TMEM268: variants seen among roughly 807,000 people sequenced by gnomAD.
TMEM268 encodes transmembrane protein C9orf91.
In TMEM268, 24 loss-of-function variants were observed where a neutral mutation model predicts 39.1. The ratio of observed to expected loss-of-function variants is 0.61; its 90% CI spans 0.44 to 0.86. TMEM268 has a LOEUF of 0.86. Ranked by LOEUF, TMEM268 falls within the 40% of genes least tolerant of loss-of-function variation. TMEM268 has a pLI of 0.00. For synonymous variants in TMEM268, 176 were observed against 173.5 expected, an observed-to-expected ratio of 1.01 and a Z score of -0.12; for missense variants, 409 against 428.6, an observed-to-expected ratio of 0.95 and a Z score of 0.40.
intron 7 of TMEM268, among the ~76,000 whole-genome samples, chr9:114,637,984 G>C (rs1269095919): frequency 1.3e-5 from 2 of 152,198 alleles, no homozygotes; most frequent in Admixed American, 1.3e-4. Context: ...TGCAACATAT[G>C]GATAAAGATA....
chr9:114,617,010 G>T, intron 1 of TMEM268, 108 bp from the exon 2 acceptor site: 1 of 492,098 alleles, frequency 2.0e-6, no homozygotes, highest in South Asian at 3.7e-5. Context: ...AAAAGAGTCC[G>T]GGTAACTCTC....
At chr9:114,636,925 G>C (rs899469897) in intron 6 of TMEM268, 65 bp from the exon 7 acceptor site, 1 of 1,021,598 alleles carries the variant, frequency 9.8e-7, no homozygotes, top group South Asian at 1.3e-5. Flanking sequence ...GACTGTCTCA[G>C]GGAGGAAGAG....
At chr9:114,631,757 T>C (rs1004942726) in intron 5 of TMEM268, among the ~76,000 whole-genome samples, 1 of 152,188 alleles carries the variant, frequency 6.6e-6, no homozygotes, top group Non-Finnish European at 1.5e-5. Context: ...TCAATTTTCA[T>C]AGTAGAGGCA....
chr9:114,633,804 A>G lies in TMEM268; in HGVS notation c.511A>G (p.Asn171Asp). 1 of 1,604,750 alleles carries G rather than the reference A, an allele frequency of 6.2e-7. No individual in the cohort carries two copies. Among genetic ancestry groups the G allele is most frequent in the Non-Finnish European group, 8.5e-7 (1 of 1,175,822 alleles). The change falls in exon 6 of 9, where the codon AAT becomes GAT. Residue 171 changes from asparagine (N) to aspartate (D), a missense_variant. Physicochemically the swap from Asn to Asp is conservative, Grantham distance 23. Coordinates refer to ENST00000288502, the MANE Select transcript of TMEM268 (RefSeq NM_153045.4). ...CACGGACCTGAGGCTGGCAGCTGCCAATGGAGCCCTCCTGAGACACCGGGT... is the reference window on the plus strand; with the variant it reads ...CACGGACCTGAGGCTGGCAGCTGCCGATGGAGCCCTCCTGAGACACCGGGT... ...TNTDLRLAAA[N>D]GALLRHRVLL...
intron 2 of TMEM268, among the ~76,000 whole-genome samples, chr9:114,620,004 A>G (rs1217542869): frequency 1.3e-5 from 2 of 152,004 alleles, no homozygotes; most frequent in Non-Finnish European, 2.9e-5. Context: ...ACCTGAGGTC[A>G]GGAGTTTGAG....
chr9:114,632,870 G>T (rs1429614989), intron 5 of TMEM268, among the ~76,000 whole-genome samples: 1 of 152,208 alleles, frequency 6.6e-6, no homozygotes, highest in Non-Finnish European at 1.5e-5. Flanking sequence ...AGAAAATAAG[G>T]TTCAGGGAAG....
At chr9:114,637,406 C>T (rs1846688836) in intron 7 of TMEM268, among the ~76,000 whole-genome samples, 1 of 151,390 alleles carries the variant, frequency 6.6e-6, no homozygotes. Flanking sequence ...GATTCTCCTG[C>T]CTCAGCCTCC....
upstream of TMEM268, among the ~76,000 whole-genome samples, chr9:114,607,528 G>A (rs557515213): frequency 6.6e-6 from 1 of 152,284 alleles, no homozygotes; most frequent in South Asian, 2.1e-4. Flanking sequence ...GGTGGTGCAT[G>A]CCTGTAGTCC....
intron 8 of TMEM268, among the ~76,000 whole-genome samples, chr9:114,640,412 G>A (rs891843033): frequency 3.9e-5 from 6 of 152,156 alleles, no homozygotes; most frequent in Non-Finnish European, 7.3e-5. Context: ...TGGAAAGATA[G>A]CGATAATGAC....
chr9:114,632,103 A>C (rs1366601673), intron 5 of TMEM268, among the ~76,000 whole-genome samples: 1 of 151,884 alleles, frequency 6.6e-6, no homozygotes, highest in Non-Finnish European at 1.5e-5. Flanking sequence ...GTCTCCAAAA[A>C]AAAAAAAAAA....
chr9:114,622,248 G>A (rs1845974712), intron 2 of TMEM268: 1 of 985,260 alleles, frequency 1.0e-6, no homozygotes, highest in Admixed American at 6.2e-5. Flanking sequence ...TTTTGGATCA[G>A]CAGACAACAC....
At chr9:114,637,798 C>G (rs1846708452) in intron 7 of TMEM268, among the ~76,000 whole-genome samples, 1 of 152,124 alleles carries the variant, frequency 6.6e-6, no homozygotes, top group South Asian at 2.1e-4. Flanking sequence ...TGGTGATGCC[C>G]AGGTTTGGAG....
chr9:114,637,053 A>G lies in TMEM268; in HGVS notation c.649A>G (p.Met217Val). The change falls in exon 7 of 9, where the codon ATG becomes GTG. Residue 217 changes from methionine (M) to valine (V), a missense_variant. By Grantham distance (21) the Met-to-Val change is conservative (BLOSUM62 1). Transcript: ENST00000288502. ...VQFLSDHVQE[M>V]KTSQESLLRS... Reference sequence around the variant, plus strand: ...GTTTTTGTCTGATCATGTTCAAGAAATGAAGACTAGCCAAGAGGTAAGATA... The same window carrying G: ...GTTTTTGTCTGATCATGTTCAAGAAGTGAAGACTAGCCAAGAGGTAAGATA... 1 of 1,611,074 alleles carries G rather than the reference A, an allele frequency of 6.2e-7. No homozygotes were observed. Among genetic ancestry groups the G allele is most frequent in the Non-Finnish European group, 8.5e-7 (1 of 1,177,264 alleles).
chr9:114,617,946 G>A (rs1022938729), intron 2 of TMEM268, among the ~76,000 whole-genome samples: 2 of 151,768 alleles, frequency 1.3e-5, no homozygotes, highest in African/African-American at 2.4e-5. Context: ...GCATGATCTC[G>A]GTTCACTGTA....
rs1448356955 is a variant in TMEM268, at chr9:114,627,004, G to A, written c.322G>A (p.Val108Met). The A allele has an allele frequency of 4.4e-6, 7 of 1,605,568 alleles. No individual in the cohort carries two copies. The highest frequency in any genetic ancestry group is 2.2e-5 in the East Asian group (1 of 44,716). ...GAGGCCTATGCGGCTGGCCTTTGCT[G>A]TGGTAAGGGGGAGGTGGCCCGCACA... ...NSRPMRLAFA[V>M]VFYVVVWANI... Residue 108 changes from valine to methionine, a missense_variant and splice_region_variant, in exon 4 of 9, where the codon GTG (valine) becomes ATG (methionine). Val to Met is a conservative substitution (Grantham distance 21, BLOSUM62 1). Coordinates refer to ENST00000288502, the MANE Select transcript of TMEM268 (RefSeq NM_153045.4).
rs892372974 is a variant in TMEM268, at chr9:114,637,293, T to C, written c.666+223T>C. ...ATGGTGAGCATATATTTCTTCTTTT[T>C]TTTTTTTTTTTTTTCCTGAGACAGA... is the stretch of plus-strand genomic sequence containing the variant. On this transcript the variant is annotated intron_variant, in intron 7 of 8. Coordinates refer to ENST00000288502, the MANE Select transcript of TMEM268 (RefSeq NM_153045.4). Among the ~76,000 whole-genome samples, 168 of 131,870 alleles carry C rather than the reference T, an allele frequency of 1.3e-3. 2 individuals carry two copies. The highest frequency in any genetic ancestry group is 6.1e-3 in the East Asian group (24 of 3,926). 86.5% of individuals were successfully genotyped at this position (131,870 alleles called of 152,430 possible). A position where few individuals can be genotyped will look rare whatever the true frequency, so the allele number is the denominator to read the frequency against.
intron 3 of TMEM268, 43 bp from the exon 4 acceptor site, chr9:114,626,856 C>G (rs1846182244): frequency 1.4e-6 from 2 of 1,447,558 alleles, no homozygotes; most frequent in Non-Finnish European, 1.9e-6. Context: ...TGGAAACTGG[C>G]TGTCCTGCGG....
At position 114,643,414 on chromosome 9, in the gene TMEM268, A is replaced by G. The variant is rs1373189895; in HGVS notation, c.*101A>G. 3 of 1,033,852 alleles carry G rather than the reference A, an allele frequency of 2.9e-6. No homozygotes were observed. The highest frequency in any genetic ancestry group is 2.9e-6 in the Non-Finnish European group (2 of 695,916). The allele number at this position is 1,033,852 out of a possible 1,614,324, so 64.0% of individuals were successfully genotyped here. ...GGGAGCCCCAGGTGAGGAGAGAAGC[A>G]TCTGGGGGCACTCCAAAAGGGGCCT... On this transcript the variant is annotated 3_prime_UTR_variant, in exon 9 of 9. Transcript: ENST00000288502.
chr9:114,633,670 G>T, intron 5 of TMEM268, 98 bp from the exon 6 acceptor site: 1 of 584,434 alleles, frequency 1.7e-6, no homozygotes, highest in Non-Finnish European at 3.0e-6. Context: ...ATTGTCCCTT[G>T]GCATCTGGGG....
Sources: allele counts gnomAD v4.1 joint callset (sites outside exome capture counted in the v4.1 genomes callset), GRCh38; gene constraint gnomAD v4.1.1; transcripts MANE v1.5; gene names NCBI Gene and HGNC (gene_info 2026-07-23, HGNC 2026-07-21).